The following RSU1 variants were observed in gnomAD, a reference collection of about 807,000 sequenced individuals.
RSU1 encodes the protein Ras suppressor protein 1, also known as rsu-1.
A neutral mutation model predicts 31.1 loss-of-function variants in RSU1; 26 were observed. The ratio of observed to expected loss-of-function variants is 0.84; its 90% CI spans 0.61 to 1.16. The LOEUF is 1.16. Among genes scored for constraint, RSU1 ranks in the 50% most tolerant of loss-of-function variants. RSU1 has a pLI of 0.00. For missense variants in RSU1, 320 were observed against 339.1 expected, an observed-to-expected ratio of 0.94 and a Z score of 0.44; for synonymous variants, 164 against 136.3, an observed-to-expected ratio of 1.20 and a Z score of -1.41.
chr10:16,730,880 A>G (rs1028094358), intron 7 of RSU1, among the ~76,000 whole-genome samples: 6 of 152,098 alleles, frequency 3.9e-5, no homozygotes, highest in South Asian at 2.1e-4. Flanking sequence ...CTGCAGTGCA[A>G]TGGCGTGATC....
chr10:16,643,025 A>C (rs1335730249), intron 8 of RSU1, among the ~76,000 whole-genome samples: 1 of 152,098 alleles, frequency 6.6e-6, no homozygotes, highest in Non-Finnish European at 1.5e-5. Flanking sequence ...CTTAGGAGAC[A>C]AAAAAAATTA....
chr10:16,599,810 C>G (rs1029738887), intron 8 of RSU1, among the ~76,000 whole-genome samples: 2 of 152,218 alleles, frequency 1.3e-5, no homozygotes, highest in Admixed American at 6.5e-5. Context: ...CCGGAATCTG[C>G]ACTGCCAGCC....
chr10:16,623,314 G>A (rs976565805), intron 8 of RSU1, among the ~76,000 whole-genome samples: 5 of 152,180 alleles, frequency 3.3e-5, no homozygotes, highest in Middle Eastern at 3.4e-3. Context: ...GTGTTAATTC[G>A]CTTAGGATAA....
chr10:16,733,004 G>A (rs2131602190), intron 7 of RSU1, among the ~76,000 whole-genome samples: 1 of 152,124 alleles, frequency 6.6e-6, no homozygotes, highest in South Asian at 2.1e-4. Flanking sequence ...TCTGTAAAAT[G>A]GGAAAAAAGT....
chr10:16,600,959 AG>A (rs1327239477), intron 8 of RSU1, among the ~76,000 whole-genome samples: 5 of 152,166 alleles, frequency 3.3e-5, no homozygotes, highest in African/African-American at 1.2e-4. Context: ...TGCAGCAGCA[AG>A]GAAGACCCCA....
At chr10:16,792,842 C>G (rs879408540) in intron 2 of RSU1, among the ~76,000 whole-genome samples, 12 of 152,166 alleles carry the variant, frequency 7.9e-5, no homozygotes, top group Non-Finnish European at 1.3e-4. Flanking sequence ...TTTAAATAAC[C>G]CTCATCAGAG....
intron 2 of RSU1, among the ~76,000 whole-genome samples, chr10:16,812,740 C>T (rs898126246): frequency 6.6e-6 from 1 of 151,786 alleles, no homozygotes; most frequent in Non-Finnish European, 1.5e-5. Context: ...CTTGACCACC[C>T]AGAGAGGGCA....
intron 7 of RSU1, among the ~76,000 whole-genome samples, chr10:16,726,516 C>T (rs1426756273): frequency 1.3e-5 from 2 of 152,070 alleles, no homozygotes; most frequent in Non-Finnish European, 2.9e-5. Flanking sequence ...CCACCCATCT[C>T]GGCCTCCCAA....
chr10:16,643,728 T>C (rs927720497), intron 8 of RSU1, among the ~76,000 whole-genome samples: 1 of 152,122 alleles, frequency 6.6e-6, no homozygotes, highest in African/African-American at 2.4e-5. Context: ...GTTCTCCAAA[T>C]GCGCATACTA....
intron 8 of RSU1, among the ~76,000 whole-genome samples, chr10:16,679,869 GTTTTTTTTT>G (rs71374699): frequency 0.023 from 2,908 of 124,568 alleles, 111 homozygotes; most frequent in African/African-American, 0.086. Flanking sequence ...AAAGACTCAA[GTTTTTTTTT>G]TTTTTTTTTT....
intron 8 of RSU1, among the ~76,000 whole-genome samples, chr10:16,660,053 T>C (rs891862533): frequency 6.6e-6 from 1 of 152,156 alleles, no homozygotes; most frequent in African/African-American, 2.4e-5. Flanking sequence ...TCAAGGATAT[T>C]TGGAAGATAG....
At chr10:16,767,184 G>T (rs907544015) in intron 3 of RSU1, 5 of 152,170 alleles carry the variant, frequency 3.3e-5, no homozygotes, top group African/African-American at 9.7e-5. Flanking sequence ...CATCTGATTA[G>T]TTTGAAGAGC....
At chr10:16,745,199 A>T (rs1836826122) in intron 7 of RSU1, among the ~76,000 whole-genome samples, 1 of 152,154 alleles carries the variant, frequency 6.6e-6, no homozygotes, top group Non-Finnish European at 1.5e-5. Context: ...CCGTATGTGT[A>T]TGTGCGTGTG....
chr10:16,722,052 G>T (rs372014755), intron 7 of RSU1, among the ~76,000 whole-genome samples: 1 of 152,166 alleles, frequency 6.6e-6, no homozygotes, highest in South Asian at 2.1e-4. Context: ...GTCACTCATG[G>T]TCCAAAAATA....
At chr10:16,624,218 GTC>G (rs34858783) in intron 8 of RSU1, among the ~76,000 whole-genome samples, 35,051 of 151,788 alleles carry the variant, frequency 0.23, 5,041 homozygotes, top group African/African-American at 0.42. Context: ...GTGTGTGTGT[GTC>G]TGTAAGTGTG....
intron 7 of RSU1, among the ~76,000 whole-genome samples, chr10:16,711,607 C>G (rs532265846): frequency 5.1e-4 from 78 of 152,280 alleles, no homozygotes; most frequent in African/African-American, 1.8e-3. Context: ...TTGTTTGTCT[C>G]AAAGCAATTT....
chr10:16,655,082 G>A (rs975469213), intron 8 of RSU1, among the ~76,000 whole-genome samples: 86 of 144,164 alleles, frequency 6.0e-4, no homozygotes, highest in Admixed American at 9.9e-4. Flanking sequence ...AAAAGAGAGA[G>A]AGAGAGAGAG....
intron 7 of RSU1, among the ~76,000 whole-genome samples, chr10:16,721,072 C>G (rs1836252126): frequency 6.6e-6 from 1 of 152,156 alleles, no homozygotes; most frequent in Non-Finnish European, 1.5e-5. Flanking sequence ...CATTCACAAA[C>G]ATTCCATTAG....
At chr10:16,655,630 T>A (rs117686892) in intron 8 of RSU1, among the ~76,000 whole-genome samples, 1 of 152,244 alleles carries the variant, frequency 6.6e-6, no homozygotes, top group Non-Finnish European at 1.5e-5. Flanking sequence ...TTAAAGCATA[T>A]GCCTATAATA....
Sources: gnomAD v4.1 joint callset for allele counts (sites outside exome capture counted in the v4.1 genomes callset) on GRCh38, gnomAD v4.1.1 for gene constraint, MANE v1.5 for transcripts, NCBI Gene and HGNC (gene_info 2026-07-23, HGNC 2026-07-21) for gene names.